Variants in CLSPN observed in about 807,000 individuals in gnomAD.
The protein encoded by CLSPN is claspin, also known as claspin homolog.
In CLSPN, 85 loss-of-function variants were observed where a neutral mutation model predicts 156.3. The ratio of observed to expected loss-of-function variants is 0.54; its 90% confidence interval spans 0.46 to 0.65. CLSPN has a LOEUF of 0.65. Among genes scored for constraint, CLSPN ranks in the 30% least tolerant of loss-of-function variants. The probability of loss-of-function intolerance (pLI) is 0.00; values close to 1 mark genes in which losing one functional copy is unlikely to be tolerated. For missense variants in CLSPN, 1,407 were observed against 1,554.9 expected (o/e 0.90, Z 1.60); for synonymous variants, 534 against 542.4 (o/e 0.98, Z 0.22).
intron 1 of CLSPN, among the ~76,000 whole-genome samples, chr1:35,765,535 C>G (rs980076721): frequency 6.6e-6 from 1 of 151,952 alleles, no homozygotes. Context: ...ACAGAACCAA[C>G]TCTTTTAGTA....
intron 21 of CLSPN, 51 bp downstream of exon 21, chr1:35,738,404 C>T: frequency 6.3e-7 from 1 of 1,576,642 alleles, no homozygotes; most frequent in Non-Finnish European, 8.6e-7. Flanking sequence ...ACTATCATGA[C>T]AAGCTAAGGG....
At chr1:35,756,636 C>CAA (rs1195804962) in intron 8 of CLSPN, among the ~76,000 whole-genome samples, 1 of 152,294 alleles carries the variant, frequency 6.6e-6, no homozygotes. Context: ...TTCTCATTCA[C>CAA]ATTGCTCTTG....
chr1:35,751,444 C>G lies in CLSPN; in HGVS notation c.1834G>C (p.Glu612Gln). 6.2e-7 allele frequency: 1 copy of G among 1,614,116 alleles called. No individual in the cohort carries two copies. Among genetic ancestry groups the G allele is most frequent in the Non-Finnish European group, 8.5e-7 (1 of 1,180,028 alleles). Residue 612 changes from glutamate to glutamine, a missense_variant, in exon 10 of 25, where the codon GAG becomes CAG. Transcript: ENST00000318121. Reference sequence around the variant, plus strand: ...AACAGTGCTTGGCGCTTCTGGCGCTCCTCAAACCTTCGGAGTTTCATTGCT... The same window carrying G: ...AACAGTGCTTGGCGCTTCTGGCGCTGCTCAAACCTTCGGAGTTTCATTGCT... The part of the protein sequence containing the change: ...QEAMKLRRFE[E>Q]RQKRQALFKL...
At position 35,735,700 on chromosome 1, in the gene CLSPN, T is replaced by G; in HGVS notation, c.*796A>C. 3 of 973,146 alleles carry G rather than the reference T, an allele frequency of 3.1e-6. No individual in the cohort carries two copies. The highest frequency in any genetic ancestry group is 3.7e-6 in the Non-Finnish European group (3 of 820,488). 60.3% of individuals were successfully genotyped at this position (973,146 alleles called of 1,614,324 possible). On this transcript the variant is annotated 3_prime_UTR_variant, in exon 25 of 25. Coordinates refer to ENST00000318121, the MANE Select transcript of CLSPN (RefSeq NM_022111.4). ...TCCAGACTGGGCAACAAAGTGAGACTATCTCAAAAAAAAAAAAAGAAATCT... is the reference window on the plus strand; with the variant it reads ...TCCAGACTGGGCAACAAAGTGAGACGATCTCAAAAAAAAAAAAAGAAATCT...
rs67465242 is a variant in CLSPN, at chr1:35,738,114, AT to A, written c.3559-18del. Reference sequence around the variant, plus strand: ...CTGCTGTGCCTGAAAAAAAAAAAAAATATATATATATATATATATATATATA... The same window carrying A: ...CTGCTGTGCCTGAAAAAAAAAAAAAAATATATATATATATATATATATATA... On this transcript the variant is annotated intron_variant, in intron 21 of 24. Coordinates refer to ENST00000318121, the MANE Select transcript of CLSPN (RefSeq NM_022111.4). 138,672 of 412,628 alleles carry A rather than the reference AT, an allele frequency of 0.34. 21,798 individuals are homozygous for A. Among genetic ancestry groups the A allele is most frequent in the Non-Finnish European group, 0.36 (108,684 of 300,916 alleles). The allele number at this position is 412,628 out of a possible 1,614,324, so 25.6% of individuals were successfully genotyped here.
intron 11 of CLSPN, 44 bp downstream of exon 11, chr1:35,749,589 C>T: frequency 6.2e-7 from 1 of 1,613,574 alleles, no homozygotes; most frequent in Non-Finnish European, 8.5e-7. Context: ...ACAGGAGGGG[C>T]AAATCCAAGG....
intron 20 of CLSPN, 64 bp downstream of exon 20, chr1:35,739,072 T>G: frequency 6.3e-7 from 1 of 1,596,666 alleles, no homozygotes; most frequent in Non-Finnish European, 8.6e-7. Flanking sequence ...GTGTTGGGAT[T>G]ACAGGCGTGA....
At position 35,764,651 on chromosome 1, in the gene CLSPN, T is replaced by G; in HGVS notation, c.197A>C (p.Asp66Ala). The G allele has an allele frequency of 6.2e-7, 1 of 1,611,100 alleles. No homozygotes were observed. Among genetic ancestry groups the G allele is most frequent in the Non-Finnish European group, 8.5e-7 (1 of 1,179,360 alleles). Residue 66 changes from aspartate (D) to alanine (A), a missense_variant, in exon 3 of 25, where the codon GAT becomes GCT. Asp to Ala is a moderately radical substitution (Grantham distance 126). This residue lies in a region of CLSPN where 1,096 missense variants were observed against 1,193.0 expected (regional missense o/e 0.92). Coordinates refer to ENST00000318121, the MANE Select transcript of CLSPN (RefSeq NM_022111.4). ...GGCATTTGTGTCCTCTGTTTCGGAATCACTGTCTTGTAGAACCTTCCTGTT... is the reference window on the plus strand; with the variant it reads ...GGCATTTGTGTCCTCTGTTTCGGAAGCACTGTCTTGTAGAACCTTCCTGTT... ...LKNRKVLQDS[D>A]SETEDTNASP...
intron 5 of CLSPN, 88 bp downstream of exon 5, chr1:35,762,316 T>G: frequency 7.5e-6 from 9 of 1,201,154 alleles, no homozygotes; most frequent in Non-Finnish European, 1.1e-5. Context: ...AAAAATATGA[T>G]AGACAAAATA....
intron 17 of CLSPN, 98 bp downstream of exon 17, chr1:35,743,357 G>T: frequency 7.3e-7 from 1 of 1,378,592 alleles, no homozygotes; most frequent in Non-Finnish European, 1.0e-6. Flanking sequence ...CTGATAAGAT[G>T]CCAAACTTAG....
In CLSPN at chr1:35,751,333, T is replaced by A. The variant is rs946100824; in HGVS notation, c.1945A>T (p.Lys649Ter). The A allele has an allele frequency of 6.3e-7, 1 of 1,592,186 alleles. No homozygotes were observed. The highest frequency in any genetic ancestry group is 8.6e-7 in the Non-Finnish European group (1 of 1,165,166). Reference protein sequence around the residue: ...TDESEEDGEEKVEKEEKEEEL... With the variant: ...TDESEEDGEE ...TCCTCTTTCTCTTCTTTCTCTACCT[T>A]CTCTTCTCCATCTTCCTCAGACTCA... Residue 649 changes from lysine (K) to a stop codon, truncating the protein, a stop_gained, in exon 10 of 25, where the codon AAG becomes TAG. Coordinates refer to ENST00000318121, the MANE Select transcript of CLSPN (RefSeq NM_022111.4). LOFTEE classifies it high-confidence loss of function.
chr1:35,769,907 C>T lies in CLSPN; in HGVS notation c.-37G>A, dbSNP rs1557529944. ...CCCCTGCGCTCCACTAGGGACGGAG[C>T]TGTCTCTGATTCCCTCAGCCGGAGA... is the stretch of plus-strand genomic sequence containing the variant. On this transcript the variant is annotated 5_prime_UTR_variant, in exon 1 of 25. Transcript: ENST00000318121. The T allele has an allele frequency of 6.2e-7, 1 of 1,606,776 alleles. No individual in the cohort carries two copies. The highest frequency in any genetic ancestry group is 8.5e-7 in the Non-Finnish European group (1 of 1,176,456).
intron 8 of CLSPN, among the ~76,000 whole-genome samples, 187 bp from the exon 9 acceptor site, chr1:35,754,123 G>A (rs1478364719): frequency 6.6e-6 from 1 of 152,142 alleles, no homozygotes; most frequent in Non-Finnish European, 1.5e-5. Flanking sequence ...CTAATTGACT[G>A]CCACAACTGT....
intron 18 of CLSPN, 31 bp downstream of exon 18, chr1:35,743,110 C>A (rs749332051): frequency 6.4e-7 from 1 of 1,563,944 alleles, no homozygotes; most frequent in East Asian, 2.2e-5. Context: ...TTAAATACAC[C>A]TGAAGGAATG....
intron 10 of CLSPN, among the ~76,000 whole-genome samples, chr1:35,750,591 C>T (rs1044522939): frequency 5.3e-5 from 8 of 151,818 alleles, no homozygotes; most frequent in African/African-American, 1.9e-4. Context: ...TGGATTTTCA[C>T]GATGTTGGCT....
At chr1:35,725,832 T>A (rs1571181687) in intron 24 of CLSPN, among the ~76,000 whole-genome samples, 1 of 152,054 alleles carries the variant, frequency 6.6e-6, no homozygotes, top group Non-Finnish European at 1.5e-5. Flanking sequence ...ATCCCGCCCC[T>A]GAACAATGAT....
Position 35,732,215 on chromosome 1 carries a change from T to C in CLSPN, c.*4281A>G, listed in dbSNP as rs913396977. ...TATAAGGGTAGAAGATACAATACCA[T>C]CTCAAGGATGACATAATCAAATAGT... On this transcript the variant is annotated 3_prime_UTR_variant, in exon 25 of 25. Coordinates refer to ENST00000318121, the MANE Select transcript of CLSPN (RefSeq NM_022111.4). 2.7e-5 allele frequency: 27 copies of C among 985,234 alleles called. No homozygotes were observed. Among genetic ancestry groups the C allele is most frequent in the Non-Finnish European group, 3.0e-5 (25 of 829,928 alleles). 61.0% of individuals were successfully genotyped at this position (985,234 alleles called of 1,614,324 possible).
chr1:35,727,777 G>T (rs1641227936), downstream of CLSPN, among the ~76,000 whole-genome samples: 1 of 152,190 alleles, frequency 6.6e-6, no homozygotes, highest in Admixed American at 6.5e-5. Context: ...TGTGAAGCTA[G>T]TATTAACTCA....
chr1:35,724,743 AC>A (rs1641141503), intron 24 of CLSPN, among the ~76,000 whole-genome samples: 1 of 152,212 alleles, frequency 6.6e-6, no homozygotes, highest in African/African-American at 2.4e-5. Flanking sequence ...ACCCCAGAGG[AC>A]CTTTGACATG....
Sources: gnomAD v4.1 joint callset for allele counts (sites outside exome capture counted in the v4.1 genomes callset) on GRCh38, gnomAD v4.1.1 for gene constraint, gnomAD v4.1.1 regional missense constraint, MANE v1.5 for transcripts, NCBI Gene and HGNC (gene_info 2026-07-23, HGNC 2026-07-21) for gene names.